NAV3: variants seen among roughly 807,000 people sequenced by gnomAD.
NAV3 encodes the protein pore membrane and/or filament interacting like protein 1.
Under a neutral mutation model 244.7 loss-of-function variants are expected in NAV3, and 87 were observed. The ratio of observed to expected loss-of-function variants is 0.36; its 90% CI spans 0.30 to 0.42. The LOEUF is 0.42. Ranked by LOEUF, NAV3 falls within the 20% of genes least tolerant of loss-of-function variation. NAV3 has a pLI of 1.00. For synonymous variants in NAV3, 1,126 were observed against 1,042.2 expected, an observed-to-expected ratio of 1.08 and a Z score of -1.55; for missense variants, 2,663 against 2,893.3, an observed-to-expected ratio of 0.92 and a Z score of 1.83.
intron 2 of NAV3, among the ~76,000 whole-genome samples, chr12:77,572,809 A>C (rs1868889766): frequency 6.6e-6 from 1 of 152,248 alleles, no homozygotes; most frequent in African/African-American, 2.4e-5. Context: ...TGATGGAAAA[A>C]AGAACTGTGC....
intron 1 of NAV3, among the ~76,000 whole-genome samples, chr12:77,886,389 A>C (rs1366532199): frequency 6.6e-6 from 1 of 152,178 alleles, no homozygotes; most frequent in African/African-American, 2.4e-5. Context: ...TGTATGCTAA[A>C]CTTAACATGC....
At chr12:78,199,219 C>T (rs1487958790) in intron 36 of NAV3, 116 bp from the exon 37 acceptor site, 2 of 249,060 alleles carry the variant, frequency 8.0e-6, no homozygotes, top group Non-Finnish European at 1.0e-5. Context: ...GAAATGGGAA[C>T]ATTATTACTT....
At chr12:77,988,772 G>A (rs1870972177) in intron 5 of NAV3, among the ~76,000 whole-genome samples, 1 of 152,070 alleles carries the variant, frequency 6.6e-6, no homozygotes, top group African/African-American at 2.4e-5. Flanking sequence ...CCCATTGCCT[G>A]AGAGCTGTGT....
At chr12:78,039,956 G>A (rs1880569681) in intron 9 of NAV3, among the ~76,000 whole-genome samples, 1 of 152,038 alleles carries the variant, frequency 6.6e-6, no homozygotes, top group African/African-American at 2.4e-5. Flanking sequence ...ATGCAAGCAG[G>A]AGGAGACACA....
intron 2 of NAV3, among the ~76,000 whole-genome samples, chr12:77,662,994 G>T (rs553068678): frequency 6.6e-6 from 1 of 152,062 alleles, no homozygotes; most frequent in Non-Finnish European, 1.5e-5. Context: ...AAATGCTTAT[G>T]CCTTATTATG....
intron 2 of NAV3, among the ~76,000 whole-genome samples, chr12:77,596,357 G>A (rs1399647812): frequency 6.6e-6 from 1 of 152,062 alleles, no homozygotes; most frequent in Non-Finnish European, 1.5e-5. Context: ...TCAAAGTGTA[G>A]CCTTTTATCA....
chr12:77,746,808 T>C (rs1311404663), intron 2 of NAV3, among the ~76,000 whole-genome samples: 2 of 152,156 alleles, frequency 1.3e-5, no homozygotes, highest in Admixed American at 1.3e-4. Context: ...ACATATATCA[T>C]TTCAGCTACT....
chr12:77,846,603 A>G (rs991729386), intron 1 of NAV3, among the ~76,000 whole-genome samples: 6 of 152,142 alleles, frequency 3.9e-5, no homozygotes, highest in African/African-American at 1.2e-4. Flanking sequence ...GTTTTCTATA[A>G]TAGTCTAATT....
At chr12:77,933,229 T>C (rs1888990107) in intron 1 of NAV3, among the ~76,000 whole-genome samples, 2 of 152,194 alleles carry the variant, frequency 1.3e-5, no homozygotes, top group Non-Finnish European at 2.9e-5. Context: ...TATAGAATAG[T>C]ATAATGCTTA....
Position 78,106,565 on chromosome 12 carries a change from A to G in NAV3, c.2637-10207A>G, listed in dbSNP as rs536149312. ...CTGTCGAAGCTGACAAGCTATTTCT[A>G]TAATTCAAATGGAAATGCAAAAGGC... On this transcript the variant is annotated intron_variant, in intron 12 of 39. Transcript: ENST00000397909. 3.9e-5 allele frequency among the ~76,000 whole-genome samples: 6 copies of G among 152,328 alleles called. No individual in the cohort carries two copies. In the South Asian group the frequency reaches 8.3e-4, roughly 21 times the overall value.
At chr12:77,900,075 A>ATTTTTTT (rs201444499) in intron 1 of NAV3, among the ~76,000 whole-genome samples, 1 of 127,294 alleles carries the variant, frequency 7.9e-6, no homozygotes, top group Non-Finnish European at 1.7e-5. Context: ...ATTGTTCTCA[A>ATTTTTTT]TTTTTTTTTT....
chr12:78,117,158 C>CTTTTATATATATAT (rs1555292748), intron 13 of NAV3, among the ~76,000 whole-genome samples: 1 of 70,370 alleles, frequency 1.4e-5, no homozygotes, highest in Non-Finnish European at 2.6e-5. Context: ...ACAGAAGCAG[C>CTTTTATATATATAT]ATATATATAT....
chr12:77,785,043 A>G (rs1870841722), intron 2 of NAV3, among the ~76,000 whole-genome samples: 1 of 152,174 alleles, frequency 6.6e-6, no homozygotes, highest in Admixed American at 6.6e-5. Context: ...AAGCCGCAGA[A>G]GCTGACTCAC....
intron 23 of NAV3, among the ~76,000 whole-genome samples, chr12:78,165,759 A>G (rs1377953232): frequency 6.6e-6 from 1 of 151,860 alleles, no homozygotes; most frequent in Non-Finnish European, 1.5e-5. Context: ...ATGTCTATGT[A>G]TCAGTTAAGT....
At chr12:77,691,334 T>TAC (rs1220614787) in intron 2 of NAV3, among the ~76,000 whole-genome samples, 1,817 of 53,500 alleles carry the variant, frequency 0.034, 125 homozygotes, top group African/African-American at 0.12. Context: ...TTTGTGTATG[T>TAC]GTGTATATAT....
chr12:78,068,060 A>G (rs1046737151), intron 12 of NAV3, among the ~76,000 whole-genome samples: 1 of 152,020 alleles, frequency 6.6e-6, no homozygotes, highest in African/African-American at 2.4e-5. Flanking sequence ...CAAATTTGTT[A>G]TAATAACAAT....
intron 2 of NAV3, among the ~76,000 whole-genome samples, chr12:77,798,184 A>AAACG (rs1474202161): frequency 3.3e-5 from 5 of 151,822 alleles, no homozygotes; most frequent in African/African-American, 1.2e-4. Flanking sequence ...ACAAACAAAC[A>AAACG]AACAGCAACA....
chr12:77,677,040 C>T (rs999716165), intron 2 of NAV3, among the ~76,000 whole-genome samples: 1 of 152,168 alleles, frequency 6.6e-6, no homozygotes, highest in Non-Finnish European at 1.5e-5. Context: ...CACAAAGGAA[C>T]ATGAAGTGTA....
chr12:77,648,062 T>C (rs1872676113), intron 2 of NAV3, among the ~76,000 whole-genome samples: 1 of 152,062 alleles, frequency 6.6e-6, no homozygotes, highest in African/African-American at 2.4e-5. Context: ...TCCCTATCAA[T>C]GGCCAAACAG....
Sources: allele counts gnomAD v4.1 joint callset (sites outside exome capture counted in the v4.1 genomes callset), GRCh38; gene constraint gnomAD v4.1.1; transcripts MANE v1.5; gene names NCBI Gene and HGNC (gene_info 2026-07-23, HGNC 2026-07-21).